The following INO80 variants were observed in gnomAD, a reference collection of about 807,000 sequenced individuals.
The protein encoded by INO80 is chromatin-remodeling ATPase INO80.
Under a neutral mutation model 203.4 loss-of-function variants are expected in INO80, and 20 were observed. The ratio of observed to expected loss-of-function variants is 0.10; its 90% CI spans 0.07 to 0.14. INO80 has a LOEUF of 0.14. Among genes scored for constraint, INO80 ranks in the 10% least tolerant of loss-of-function variants. The pLI, the probability that INO80 is intolerant of heterozygous loss-of-function variation, is 1.00. For synonymous variants in INO80, 726 were observed against 685.2 expected (o/e 1.06, Z -0.93); for missense variants, 1,419 against 1,914.4 (o/e 0.74, Z 4.83).
intron 14 of INO80, 82 bp downstream of exon 14, chr15:41,069,488 G>T: frequency 1.3e-6 from 1 of 798,972 alleles, no homozygotes; most frequent in Non-Finnish European, 2.0e-6. Flanking sequence ...AAACTGTTAT[G>T]AGTAATTAGT....
At chr15:41,066,807 G>A (rs2045225512) in intron 14 of INO80, among the ~76,000 whole-genome samples, 1 of 112,032 alleles carries the variant, frequency 8.9e-6, no homozygotes, top group Non-Finnish European at 1.7e-5. Context: ...CACCTTGGGA[G>A]ACAGAAGGAG....
chr15:41,085,317 T>C (rs1003594787), intron 7 of INO80, 52 bp downstream of exon 7: 16 of 1,468,172 alleles, frequency 1.1e-5, no homozygotes, highest in Admixed American at 1.0e-4. Context: ...CTTTAGTGGG[T>C]GGGGAGAGAA....
intron 19 of INO80, among the ~76,000 whole-genome samples, chr15:41,053,081 T>C (rs1427837475): frequency 6.6e-6 from 1 of 152,066 alleles, no homozygotes; most frequent in Non-Finnish European, 1.5e-5. Flanking sequence ...CCAAATGCTA[T>C]GTATGGACCT....
chr15:41,034,259 G>A (rs1307381008), intron 24 of INO80, among the ~76,000 whole-genome samples: 2 of 152,124 alleles, frequency 1.3e-5, no homozygotes, highest in South Asian at 2.1e-4. Context: ...TGAGTGCAAG[G>A]GTTTTATAGG....
intron 6 of INO80, among the ~76,000 whole-genome samples, 174 bp downstream of exon 6, chr15:41,087,388 C>T (rs2045578311): frequency 1.3e-5 from 2 of 152,204 alleles, no homozygotes; most frequent in South Asian, 2.1e-4. Context: ...AATCCAATCA[C>T]CCATGGATAC....
At chr15:41,014,091 A>G (rs1221063164) in intron 27 of INO80, among the ~76,000 whole-genome samples, 1 of 152,242 alleles carries the variant, frequency 6.6e-6, no homozygotes, top group Non-Finnish European at 1.5e-5. Context: ...AGAACCTAGA[A>G]GTGTGCGATA....
chr15:40,983,106 A>AG (rs1048220049), intron 34 of INO80, 29 bp from the exon 35 acceptor site: 5 of 1,551,068 alleles, frequency 3.2e-6, no homozygotes, highest in Non-Finnish European at 4.4e-6. Context: ...CAAAAGGGAA[A>AG]GAAAAAAAAA....
rs370199613 is a variant in INO80 at position 41,089,470 on chromosome 15, G to A, written c.538-1788C>T. ...ACACTTGTAGAAATAGTCAGAAGGCGGCTGGGCGGGGTGGCTCACCCCTGT... is the reference window on the plus strand; with the variant it reads ...ACACTTGTAGAAATAGTCAGAAGGCAGCTGGGCGGGGTGGCTCACCCCTGT... On this transcript the variant is annotated intron_variant, in intron 5 of 35. Coordinates refer to ENST00000648947, the MANE Select transcript of INO80 (RefSeq NM_017553.3). Among the ~76,000 whole-genome samples the A allele has an allele frequency of 1.2e-4, 19 of 152,142 alleles. 1 individual carries two copies. In the South Asian group the frequency reaches 3.5e-3, roughly 28 times the overall value.
At chr15:41,040,006 A>T (rs2044643432) in intron 24 of INO80, among the ~76,000 whole-genome samples, 1 of 152,204 alleles carries the variant, frequency 6.6e-6, no homozygotes, top group South Asian at 2.1e-4. Context: ...ACATTTGGGG[A>T]CTACTGACCT....
At chr15:40,984,487 G>A (rs1362804974) in intron 32 of INO80, 135 bp from the exon 33 acceptor site, 1 of 771,048 alleles carries the variant, frequency 1.3e-6, no homozygotes, top group Non-Finnish European at 2.1e-6. Context: ...TTTTACGGAA[G>A]AAAAACTGCA....
intron 24 of INO80, among the ~76,000 whole-genome samples, chr15:41,040,018 T>C (rs571870561): frequency 1.1e-4 from 17 of 152,300 alleles, no homozygotes; most frequent in African/African-American, 3.9e-4. Context: ...TACTGACCTA[T>C]ACTACCTAGA....
chr15:40,980,133 G>T lies in INO80; in HGVS notation c.*90C>A. 1 of 1,009,516 alleles carries T rather than the reference G, an allele frequency of 9.9e-7. No individual in the cohort carries two copies. Among genetic ancestry groups the T allele is most frequent in the South Asian group, 1.3e-5 (1 of 74,610 alleles). 62.5% of individuals were successfully genotyped at this position (1,009,516 alleles called of 1,614,324 possible). ...TTTCCACTTCTGACTCAGGATGCAA[G>T]ATGCTGCACGGGGCAAGCCATCCAA... On this transcript the variant is annotated 3_prime_UTR_variant, in exon 36 of 36. Coordinates refer to ENST00000648947, the MANE Select transcript of INO80 (RefSeq NM_017553.3).
intron 19 of INO80, among the ~76,000 whole-genome samples, chr15:41,051,354 C>G (rs1272822340): frequency 6.6e-6 from 1 of 151,808 alleles, no homozygotes; most frequent in African/African-American, 2.4e-5. Flanking sequence ...CATTTGAAAC[C>G]TAGCTCACAT....
At chr15:41,099,549 G>C (rs1289404164) in intron 1 of INO80, among the ~76,000 whole-genome samples, 2 of 151,930 alleles carry the variant, frequency 1.3e-5, no homozygotes, top group African/African-American at 2.4e-5. Flanking sequence ...TGGGAGGTGA[G>C]GCAGGAGGAG....
At chr15:41,000,254 C>CT (rs959168365) in intron 28 of INO80, among the ~76,000 whole-genome samples, 1 of 151,918 alleles carries the variant, frequency 6.6e-6, no homozygotes, top group Non-Finnish European at 1.5e-5. Flanking sequence ...ATGGCTAGGA[C>CT]TTTTTTTTGT....
Position 40,985,990 on chromosome 15 carries a change from T to C in INO80, c.3833-564A>G, listed in dbSNP as rs1043516633. Among the ~76,000 whole-genome samples, 13 of 152,214 alleles carry C rather than the reference T, an allele frequency of 8.5e-5. No homozygotes were observed. In the East Asian group the frequency reaches 1.9e-3, roughly 23 times the overall value. On this transcript the variant is annotated intron_variant, in intron 31 of 35. Coordinates refer to ENST00000648947, the MANE Select transcript of INO80 (RefSeq NM_017553.3). ...CCTTTTAATCTCTGCTTTGCACACATTGAGCATGGCTGTAGAGTTCTGAAA... is the reference window on the plus strand; with the variant it reads ...CCTTTTAATCTCTGCTTTGCACACACTGAGCATGGCTGTAGAGTTCTGAAA...
intron 17 of INO80, among the ~76,000 whole-genome samples, chr15:41,056,382 A>C (rs1236117399): frequency 6.6e-6 from 1 of 152,204 alleles, no homozygotes; most frequent in Non-Finnish European, 1.5e-5. Context: ...TACATTTTCT[A>C]ATGTGGTCAG....
intron 17 of INO80, among the ~76,000 whole-genome samples, chr15:41,056,297 A>G (rs1414169006): frequency 2.0e-5 from 3 of 152,050 alleles, no homozygotes; most frequent in African/African-American, 7.2e-5. Context: ...CTCCCCCCAA[A>G]AATTTTAGCT....
At chr15:41,095,736 G>C in intron 3 of INO80, 23 bp downstream of exon 3, 1 of 1,613,182 alleles carries the variant, frequency 6.2e-7, no homozygotes, top group Non-Finnish European at 8.5e-7. Context: ...ATAGTCCAAA[G>C]GGGGATGTCA....
Sources: gnomAD v4.1 joint callset for allele counts (sites outside exome capture counted in the v4.1 genomes callset) on GRCh38, gnomAD v4.1.1 for gene constraint, MANE v1.5 for transcripts, NCBI Gene and HGNC (gene_info 2026-07-23, HGNC 2026-07-21) for gene names.